Variants in HTR5A observed in about 807,000 individuals in gnomAD.
HTR5A encodes the protein 5-hydroxytryptamine receptor 5A, also known as 5-HT-5.
A neutral mutation model predicts 24.3 loss-of-function variants in HTR5A; 21 were observed. The ratio of observed to expected loss-of-function variants is 0.86; its 90% CI spans 0.61 to 1.24. The LOEUF (loss-of-function observed/expected upper bound fraction) is 1.24. HTR5A is among the 50% of genes most tolerant of loss of function. The pLI is 0.00. For synonymous variants in HTR5A, 260 were observed against 213.7 expected (o/e 1.22, Z -1.89); for missense variants, 497 against 489.5 (o/e 1.02, Z -0.15).
Position 155,084,373 on chromosome 7 carries a change from A to G in HTR5A, c.960A>G (p.Lys320=). ...CCTGTGACATCCCCGCCATCTGGAA[A>G]AGCATCTTCCTGTGGCTTGGCTACT... ...LCSCDIPAIW[K]SIFLWLGYSN... Residue 320 remains lysine, a synonymous_variant, in exon 2 of 2, where the codon AAA becomes AAG. Coordinates refer to ENST00000287907, the MANE Select transcript of HTR5A (RefSeq NM_024012.4). The G allele has an allele frequency of 6.2e-7, 1 of 1,614,074 alleles. No individual in the cohort carries two copies. Among genetic ancestry groups the G allele is most frequent in the Non-Finnish European group, 8.5e-7 (1 of 1,180,006 alleles).
At chr7:155,071,884 C>G (rs892676968) in intron 1 of HTR5A, among the ~76,000 whole-genome samples, 1 of 152,122 alleles carries the variant, frequency 6.6e-6, no homozygotes, top group Non-Finnish European at 1.5e-5. Context: ...ATACAGAACA[C>G]GAGGAGTTCA....
chr7:155,082,108 G>C (rs937968033), intron 1 of HTR5A, among the ~76,000 whole-genome samples: 2 of 143,340 alleles, frequency 1.4e-5, no homozygotes, highest in Non-Finnish European at 2.9e-5. Flanking sequence ...TCTCCAGTGG[G>C]ACCAGCATCC....
rs1340100699 is a variant in HTR5A at position 155,084,422 on chromosome 7, A to T, written c.1009A>T (p.Ile337Phe). ...GYSNSFFNPL[I>F]YTAFNKNYNS... Reference sequence around the variant, plus strand: ...CTCCAACTCCTTCTTTAACCCCCTGATCTATACGGCTTTCAACAAGAACTA... The same window carrying T: ...CTCCAACTCCTTCTTTAACCCCCTGTTCTATACGGCTTTCAACAAGAACTA... Residue 337 changes from isoleucine (I) to phenylalanine (F), a missense_variant, in exon 2 of 2, where the codon ATC becomes TTC. Transcript: ENST00000287907. The T allele has an allele frequency of 6.2e-7, 1 of 1,614,152 alleles. No individual in the cohort carries two copies. The highest frequency in any genetic ancestry group is 8.5e-7 in the Non-Finnish European group (1 of 1,180,028).
In HTR5A at chr7:155,084,843, CA is replaced by C. The variant is rs370472622; in HGVS notation, c.*357del. Reference sequence around the variant, plus strand: ...GAAGGAGGAGGTAAAACAATATGGGCAGGTTGAGATTGAATAGAAAAGAATG... The same window carrying C: ...GAAGGAGGAGGTAAAACAATATGGGCGGTTGAGATTGAATAGAAAAGAATG... On this transcript the variant is annotated 3_prime_UTR_variant, in exon 2 of 2. Coordinates refer to ENST00000287907, the MANE Select transcript of HTR5A (RefSeq NM_024012.4). 445 of 225,676 alleles carry C rather than the reference CA, an allele frequency of 2.0e-3. 4 individuals carry two copies. Among genetic ancestry groups the C allele is most frequent in the African/African-American group, 9.4e-3 (406 of 43,270 alleles). The allele number at this position is 225,676 out of a possible 1,614,324, so 14.0% of individuals were successfully genotyped here.
chr7:155,083,526 C>T (rs983063247), intron 1 of HTR5A, among the ~76,000 whole-genome samples: 2 of 152,280 alleles, frequency 1.3e-5, no homozygotes, highest in Non-Finnish European at 2.9e-5. Flanking sequence ...GGGAACCTGC[C>T]CTGTGGAGGC....
intron 1 of HTR5A, among the ~76,000 whole-genome samples, chr7:155,076,964 A>G (rs1177691596): frequency 1.3e-5 from 2 of 152,228 alleles, no homozygotes; most frequent in Non-Finnish European, 2.9e-5. Context: ...TAATCCACCC[A>G]GAGCATGGCC....
chr7:155,082,748 G>C (rs760903360), intron 1 of HTR5A, among the ~76,000 whole-genome samples: 1 of 152,176 alleles, frequency 6.6e-6, no homozygotes, highest in Non-Finnish European at 1.5e-5. Context: ...GAAAAATTAA[G>C]CTAAATATGG....
chr7:155,076,677 G>T (rs1451632914), intron 1 of HTR5A, among the ~76,000 whole-genome samples: 3 of 152,180 alleles, frequency 2.0e-5, no homozygotes, highest in Non-Finnish European at 4.4e-5. Context: ...TAGCTGCGGG[G>T]TGATGCATGT....
intron 1 of HTR5A, among the ~76,000 whole-genome samples, chr7:155,073,876 T>TATAC (rs1491571854): frequency 2.5e-4 from 2 of 8,044 alleles, no homozygotes; most frequent in African/African-American, 2.9e-4. Flanking sequence ...TATATATATA[T>TATAC]GTATATATAT....
Position 155,084,494 on chromosome 7 carries a change from G to A in HTR5A, c.*7G>A, listed in dbSNP as rs1452996841. The A allele has an allele frequency of 1.9e-6, 3 of 1,588,596 alleles. No homozygotes were observed. Among genetic ancestry groups the A allele is most frequent in the African/African-American group, 1.4e-5 (1 of 73,740 alleles). ...CTTTTCTAGGCAACACTGAGGGAGA[G>A]GACCAGGATTGAAAAAAGTTTCTTC... On this transcript the variant is annotated 3_prime_UTR_variant, in exon 2 of 2. Coordinates refer to ENST00000287907, the MANE Select transcript of HTR5A (RefSeq NM_024012.4).
rs1288880259 is a variant in HTR5A, at chr7:155,070,709, C to G, written c.-191C>G. 1 of 644,908 alleles carries G rather than the reference C, an allele frequency of 1.6e-6. No individual in the cohort carries two copies. Among genetic ancestry groups the G allele is most frequent in the Non-Finnish European group, 2.7e-6 (1 of 372,586 alleles). The allele number at this position is 644,908 out of a possible 1,614,324, so 39.9% of individuals were successfully genotyped here. A position where few individuals can be genotyped will look rare whatever the true frequency, so the allele number is the denominator to read the frequency against. ...CTCTGAGGGCTTCAGACCTGCCGCG[C>G]TTGCAGCCACACCATCTCCAACGGA... On this transcript the variant is annotated 5_prime_UTR_variant, in exon 1 of 2. Coordinates refer to ENST00000287907, the MANE Select transcript of HTR5A (RefSeq NM_024012.4).
rs1795482192 is a variant in HTR5A, at chr7:155,086,786, A to G, written c.*2299A>G. ...ACTTTGAGTCTCTACTATGCAAATC[A>G]AATATTTGTGAAACACTCTCATTTA... On this transcript the variant is annotated 3_prime_UTR_variant, in exon 2 of 2. Transcript: ENST00000287907. Among the ~76,000 whole-genome samples the G allele has an allele frequency of 6.6e-6, 1 of 152,232 alleles. No homozygotes were observed. Among genetic ancestry groups the G allele is most frequent in the African/African-American group, 2.4e-5 (1 of 41,464 alleles).
rs901090825 is a variant in HTR5A at position 155,070,848 on chromosome 7, C to T, written c.-52C>T. ...TCTGGGCACAGTGGCCGCCTTAAGT[C>T]CTCCTGAACACCCCTTCTGCAAGTA... On this transcript the variant is annotated 5_prime_UTR_variant, in exon 1 of 2. Coordinates refer to ENST00000287907, the MANE Select transcript of HTR5A (RefSeq NM_024012.4). 2 of 1,541,772 alleles carry T rather than the reference C, an allele frequency of 1.3e-6. No homozygotes were observed. Among genetic ancestry groups the T allele is most frequent in the Admixed American group, 1.8e-5 (1 of 55,292 alleles).
At chr7:155,078,347 A>G (rs750694960) in intron 1 of HTR5A, among the ~76,000 whole-genome samples, 6 of 152,250 alleles carry the variant, frequency 3.9e-5, no homozygotes, top group Non-Finnish European at 8.8e-5. Context: ...ATAGAAAGAT[A>G]TGACAAGACT....
At chr7:155,074,745 C>A (rs909303775) in intron 1 of HTR5A, 2 of 152,168 alleles carry the variant, frequency 1.3e-5, no homozygotes, top group African/African-American at 2.4e-5. Flanking sequence ...TTATAGGCTA[C>A]CAATGATACT....
Position 155,085,198 on chromosome 7 carries a change from T to C in HTR5A, c.*711T>C, listed in dbSNP as rs1795463476. On this transcript the variant is annotated 3_prime_UTR_variant, in exon 2 of 2. Coordinates refer to ENST00000287907, the MANE Select transcript of HTR5A (RefSeq NM_024012.4). ...CAATCCGTTGACATGAAACAGGCACTGAGGGTAACTACTTCCTTTCATTTT... is the reference window on the plus strand; with the variant it reads ...CAATCCGTTGACATGAAACAGGCACCGAGGGTAACTACTTCCTTTCATTTT... 1.3e-5 allele frequency: 2 copies of C among 152,250 alleles called. No homozygotes were observed. Among genetic ancestry groups the C allele is most frequent in the African/African-American group, 2.4e-5 (1 of 41,448 alleles). The allele number at this position is 152,250 out of a possible 1,614,324, so 9.4% of individuals were successfully genotyped here.
At chr7:155,076,402 T>G (rs564540412) in intron 1 of HTR5A, among the ~76,000 whole-genome samples, 3 of 152,220 alleles carry the variant, frequency 2.0e-5, no homozygotes, top group Non-Finnish European at 4.4e-5. Context: ...TTCATTTTTT[T>G]AACTTAATAT....
intron 1 of HTR5A, among the ~76,000 whole-genome samples, chr7:155,077,609 G>A (rs1397880857): frequency 6.6e-6 from 1 of 151,772 alleles, no homozygotes; most frequent in Non-Finnish European, 1.5e-5. Context: ...GATTATAGGT[G>A]TGTGCCACCA....
At position 155,073,865 on chromosome 7, in the gene HTR5A, G is replaced by A. The variant is rs7782828; in HGVS notation, c.741+2225G>A. Among the ~76,000 whole-genome samples the A allele has an allele frequency of 9.9e-3, 564 of 57,196 alleles. 5 individuals carry two copies. Among genetic ancestry groups the A allele is most frequent in the African/African-American group, 0.047 (523 of 11,072 alleles). The allele number at this position is 57,196 out of a possible 152,430, so 37.5% of individuals were successfully genotyped here. ...CATATATATACATATGTGTGTGTGT[G>A]TATATATATATGTATATATATATGT... On this transcript the variant is annotated intron_variant, in intron 1 of 1. Coordinates refer to ENST00000287907, the MANE Select transcript of HTR5A (RefSeq NM_024012.4).
Sources: gnomAD v4.1 joint callset for allele counts (sites outside exome capture counted in the v4.1 genomes callset) on GRCh38, gnomAD v4.1.1 for gene constraint, MANE v1.5 for transcripts, NCBI Gene and HGNC (gene_info 2026-07-23, HGNC 2026-07-21) for gene names.